Variants in ARFGEF2 observed in about 807,000 individuals in gnomAD.
ARFGEF2 encodes ARF guanine nucleotide exchange factor 2, also known as brefeldin A-inhibited guanine nucleotide-exchange protein 2.
ARFGEF2 carries 74 observed loss-of-function variants against 219.9 expected under a neutral mutation model. The ratio of observed to expected loss-of-function variants is 0.34; its 90% CI spans 0.28 to 0.41. The LOEUF (loss-of-function observed/expected upper bound fraction) is 0.41. Among genes scored for constraint, ARFGEF2 ranks in the 10% least tolerant of loss-of-function variants. The pLI, the probability that ARFGEF2 is intolerant of heterozygous loss-of-function variation, is 1.00. For missense variants in ARFGEF2, 1,743 were observed against 2,218.3 expected (o/e 0.79, Z 4.30); for synonymous variants, 733 against 799.2 (o/e 0.92, Z 1.40).
chr20:49,033,191 G>A lies in ARFGEF2; in HGVS notation c.5350G>A (p.Val1784Met), dbSNP rs571409699. ...ACAGGTACCAGCAGCACTGTCACCA[G>A]TGTGGTAGCCCTGGCTGCCCAGGCC... The part of the protein sequence containing the change: ...PSQVPAALSP[V>M]W Residue 1784 changes from valine (V) to methionine (M), a missense_variant, in exon 39 of 39, where the codon GTG (valine) becomes ATG (methionine). By Grantham distance (21) the Val-to-Met change is conservative. This residue lies in a region of ARFGEF2 where 578 missense variants were observed against 664.0 expected (regional missense o/e 0.87). Transcript: ENST00000371917. 3.7e-6 allele frequency: 6 copies of A among 1,614,216 alleles called. No homozygotes were observed. The highest frequency in any genetic ancestry group is 4.5e-5 in the East Asian group (2 of 44,882).
At chr20:49,032,699 C>T (rs2091643707) in intron 38 of ARFGEF2, among the ~76,000 whole-genome samples, 1 of 151,900 alleles carries the variant, frequency 6.6e-6, no homozygotes. Flanking sequence ...TCAAGCGATC[C>T]TCCCACCTCA....
At chr20:48,967,746 C>G (rs970285269) in intron 8 of ARFGEF2, among the ~76,000 whole-genome samples, 1 of 152,148 alleles carries the variant, frequency 6.6e-6, no homozygotes, top group Non-Finnish European at 1.5e-5. Context: ...CTCTCAATAC[C>G]CATTTTCCCA....
intron 21 of ARFGEF2, 74 bp from the exon 22 acceptor site, chr20:48,994,377 C>T (rs1003081693): frequency 5.0e-6 from 8 of 1,590,624 alleles, no homozygotes; most frequent in Non-Finnish European, 6.9e-6. Context: ...TTTTTAATGA[C>T]TAACTTAAGA....
intron 1 of ARFGEF2, among the ~76,000 whole-genome samples, chr20:48,937,523 C>T (rs1163789046): frequency 6.6e-6 from 1 of 152,246 alleles, no homozygotes; most frequent in Non-Finnish European, 1.5e-5. Flanking sequence ...GCTGGGATTA[C>T]AGGCGTGAGC....
intron 3 of ARFGEF2, among the ~76,000 whole-genome samples, chr20:48,947,663 C>A (rs2091036765): frequency 6.6e-6 from 1 of 152,116 alleles, no homozygotes; most frequent in Admixed American, 6.5e-5. Flanking sequence ...GAGTTTAAGA[C>A]CAGCCTGGGC....
At chr20:48,953,028 CT>C in intron 5 of ARFGEF2, 144 bp downstream of exon 5, 1 of 905,330 alleles carries the variant, frequency 1.1e-6, no homozygotes. Context: ...TGCTTTTGTT[CT>C]TGCTTTAAAA....
rs368456323 is a variant in ARFGEF2, at chr20:48,998,515, C to T, written c.3432+10C>T. On this transcript the variant is annotated intron_variant, in intron 25 of 38. Transcript: ENST00000371917. ...AGATCACTTCAATAAGGTAACTCTTCAAATTTAAAAACCATTCCTGTTAAA... is the reference window on the plus strand; with the variant it reads ...AGATCACTTCAATAAGGTAACTCTTTAAATTTAAAAACCATTCCTGTTAAA... 4.4e-6 allele frequency: 7 copies of T among 1,592,966 alleles called. No individual in the cohort carries two copies. The highest frequency in any genetic ancestry group is 1.4e-5 in the African/African-American group (1 of 72,694).
chr20:49,007,440 C>T (rs6066946), intron 26 of ARFGEF2, among the ~76,000 whole-genome samples: 37,357 of 151,838 alleles, frequency 0.25, 5,267 homozygotes, highest in East Asian at 0.47. Context: ...CAGGCATGCA[C>T]CACCATGCCC....
At chr20:48,994,626 G>A (rs761684719) in intron 22 of ARFGEF2, 28 bp downstream of exon 22, 23 of 1,612,156 alleles carry the variant, frequency 1.4e-5, no homozygotes, top group Middle Eastern at 3.3e-4. Context: ...ACAGCTAACA[G>A]TCACGGATTT....
chr20:48,926,806 A>G (rs908417076), intron 1 of ARFGEF2, among the ~76,000 whole-genome samples: 8 of 152,350 alleles, frequency 5.3e-5, no homozygotes, highest in African/African-American at 1.4e-4. Context: ...ATGGGAGACC[A>G]AGGCTAAGGA....
chr20:49,018,425 G>C (rs1332347876), intron 33 of ARFGEF2, among the ~76,000 whole-genome samples: 1 of 152,046 alleles, frequency 6.6e-6, no homozygotes, highest in Non-Finnish European at 1.5e-5. Context: ...TAGCAGAGAT[G>C]GGGTTTCGCC....
chr20:48,930,307 A>C (rs1568686793), intron 1 of ARFGEF2, among the ~76,000 whole-genome samples: 1 of 152,134 alleles, frequency 6.6e-6, no homozygotes, highest in Non-Finnish European at 1.5e-5. Context: ...TAAAGGCTCC[A>C]CTCTTACACC....
At chr20:48,976,359 ATG>A (rs910108445) in intron 14 of ARFGEF2, among the ~76,000 whole-genome samples, 160 bp downstream of exon 14, 1 of 152,156 alleles carries the variant, frequency 6.6e-6, no homozygotes, top group Non-Finnish European at 1.5e-5. Flanking sequence ...AAATGAGCGT[ATG>A]TGTGTGTGTC....
chr20:48,986,732 C>T (rs532008528), intron 16 of ARFGEF2, among the ~76,000 whole-genome samples: 1 of 152,230 alleles, frequency 6.6e-6, no homozygotes, highest in South Asian at 2.1e-4. Flanking sequence ...CAGGGTCTTG[C>T]TCTCTTGCCC....
chr20:49,019,440 A>G lies in ARFGEF2; in HGVS notation c.4624+442A>G, dbSNP rs76631744. 6.4e-3 allele frequency among the ~76,000 whole-genome samples: 979 copies of G among 152,308 alleles called. 7 individuals are homozygous for G. Among genetic ancestry groups the G allele is most frequent in the Middle Eastern group, 0.01 (3 of 294 alleles). ...TTCACGTTGTTTTATACGATTGTCT[A>G]TTATTCCAGTTTGTAGACATGCATT... On this transcript the variant is annotated intron_variant, in intron 34 of 38. Transcript: ENST00000371917.
rs376257322 is a variant in ARFGEF2 at position 49,016,312 on chromosome 20, C to T, written c.4212C>T (p.His1404=). 1.8e-4 allele frequency: 288 copies of T among 1,614,008 alleles called. No individual in the cohort carries two copies. The South Asian group carries it at 2.4e-3, about 14-fold the overall frequency. Residue 1404 remains histidine, a synonymous_variant, in exon 31 of 39, where the codon CAC becomes CAT. Transcript: ENST00000371917. Reference sequence around the variant, plus strand: ...AGTGGATGACAACAACCTGCAATCACGCACTTTATGCTATTTGTGATGTTT... The same window carrying T: ...AGTGGATGACAACAACCTGCAATCATGCACTTTATGCTATTTGTGATGTTT... The part of the protein sequence containing the change: ...KSEWMTTTCN[H]ALYAICDVFT...
At position 48,982,770 on chromosome 20, in the gene ARFGEF2, G is replaced by A. The variant is rs551016674; in HGVS notation, c.1959-1959G>A. The stretch of plus-strand genomic sequence containing the variant: ...TCTCAGACTGCTGAGCCAGCAGTGA[G>A]CAAGGCTCCGTGGGCGTGGGACCTG... On this transcript the variant is annotated intron_variant, in intron 14 of 38. Coordinates refer to ENST00000371917, the MANE Select transcript of ARFGEF2 (RefSeq NM_006420.3). 1.8e-3 allele frequency among the ~76,000 whole-genome samples: 281 copies of A among 152,312 alleles called. 3 individuals are homozygous for A. The highest frequency in any genetic ancestry group is 6.8e-3 in the Middle Eastern group (2 of 294).
intron 1 of ARFGEF2, among the ~76,000 whole-genome samples, chr20:48,931,654 G>A: frequency 6.6e-6 from 1 of 150,872 alleles, no homozygotes; most frequent in Non-Finnish European, 1.5e-5. Context: ...GTGAGGGGGT[G>A]AGCCATGGAG....
chr20:48,982,951 C>T (rs2091305817), intron 14 of ARFGEF2, among the ~76,000 whole-genome samples: 1 of 152,172 alleles, frequency 6.6e-6, no homozygotes, highest in Admixed American at 6.5e-5. Context: ...CTTACGCTTC[C>T]CGGGTAAAGC....
Sources: gnomAD v4.1 joint callset for allele counts (sites outside exome capture counted in the v4.1 genomes callset) on GRCh38, gnomAD v4.1.1 for gene constraint, gnomAD v4.1.1 regional missense constraint, MANE v1.5 for transcripts, NCBI Gene and HGNC (gene_info 2026-07-23, HGNC 2026-07-21) for gene names.